SLC4A4: variants seen among roughly 807,000 people sequenced by gnomAD.
SLC4A4 encodes solute carrier family 4 member 4.
In SLC4A4, 27 loss-of-function variants were observed where a neutral mutation model predicts 111.5. The observed-to-expected ratio is 0.24, with a 90% CI of 0.18 to 0.33. SLC4A4 has a LOEUF of 0.33. SLC4A4 is among the 10% of genes least tolerant of loss of function. The probability of loss-of-function intolerance (pLI) is 1.00; values close to 1 mark genes in which losing one functional copy is unlikely to be tolerated. For missense variants in SLC4A4, 909 were observed against 1,315.5 expected, an observed-to-expected ratio of 0.69 and a Z score of 4.78; for synonymous variants, 443 against 463.4, an observed-to-expected ratio of 0.96 and a Z score of 0.57.
chr4:71,420,018 G>A (rs554985087), intron 7 of SLC4A4, among the ~76,000 whole-genome samples: 28 of 152,304 alleles, frequency 1.8e-4, no homozygotes, highest in Admixed American at 5.2e-4. Flanking sequence ...AGAGAAGAAG[G>A]CTTCAGACGA....
intron 14 of SLC4A4, among the ~76,000 whole-genome samples, chr4:71,485,935 C>G (rs1729354902): frequency 6.6e-6 from 1 of 151,446 alleles, no homozygotes; most frequent in African/African-American, 2.4e-5. Flanking sequence ...ATCTCATACT[C>G]TAATGTCAGC....
At chr4:71,300,903 G>A (rs888205694) in intron 3 of SLC4A4, 4 of 519,840 alleles carry the variant, frequency 7.7e-6, no homozygotes, top group South Asian at 5.8e-5. Context: ...GTAGGTGCTG[G>A]GGTCCATGTC....
chr4:71,174,667 TCCA>T (rs1338072154), intron 2 of SLC4A4, among the ~76,000 whole-genome samples: 1 of 152,214 alleles, frequency 6.6e-6, no homozygotes, highest in Non-Finnish European at 1.5e-5. Flanking sequence ...TTACTGCCAC[TCCA>T]CCTATTTTTC....
At chr4:71,435,068 T>C (rs952532641) in intron 7 of SLC4A4, among the ~76,000 whole-genome samples, 1 of 152,166 alleles carries the variant, frequency 6.6e-6, no homozygotes, top group South Asian at 2.1e-4. Flanking sequence ...TGTAAAAAAC[T>C]ACTTTGAAGT....
At chr4:71,347,623 T>G (rs998586029) in intron 4 of SLC4A4, among the ~76,000 whole-genome samples, 1 of 152,164 alleles carries the variant, frequency 6.6e-6, no homozygotes, top group Non-Finnish European at 1.5e-5. Context: ...ATATGAATTT[T>G]GTGGGGACAT....
chr4:71,162,103 C>T (rs10049651), intron 2 of SLC4A4, among the ~76,000 whole-genome samples: 95,880 of 152,026 alleles, frequency 0.63, 35,798 homozygotes, highest in Non-Finnish European at 0.83. Context: ...CTTGCTCACC[C>T]CAGTTGAAGA....
chr4:71,473,315 A>C (rs1286451221), intron 14 of SLC4A4: 1 of 562,396 alleles, frequency 1.8e-6, no homozygotes, highest in East Asian at 2.8e-5. Flanking sequence ...AATATGTGAC[A>C]AACCTATCCT....
At chr4:71,158,901 G>A (rs1281820193) in intron 2 of SLC4A4, among the ~76,000 whole-genome samples, 1 of 152,096 alleles carries the variant, frequency 6.6e-6, no homozygotes, top group Non-Finnish European at 1.5e-5. Flanking sequence ...GTGCTGAAGT[G>A]GCGTATCCCT....
intron 3 of SLC4A4, among the ~76,000 whole-genome samples, chr4:71,265,913 C>T (rs1722220905): frequency 6.6e-6 from 1 of 152,112 alleles, no homozygotes; most frequent in Non-Finnish European, 1.5e-5. Context: ...ATATCTTTAG[C>T]TTTCTAAAAT....
rs1008843129 is a variant in SLC4A4 at position 71,563,775 on chromosome 4, T to G, written c.3100-18T>G. On this transcript the variant is annotated intron_variant, in intron 23 of 25. Coordinates refer to ENST00000264485, the MANE Select transcript of SLC4A4 (RefSeq NM_001098484.3). ...ATAATAAAAACATTCTAAAACCTCT[T>G]GTACATTTTTTTCACAGTCTGACTG... 1 of 1,484,072 alleles carries G rather than the reference T, an allele frequency of 6.7e-7. No individual in the cohort carries two copies. Among genetic ancestry groups the G allele is most frequent in the Non-Finnish European group, 9.4e-7 (1 of 1,062,460 alleles). The allele number at this position is 1,484,072 out of a possible 1,614,324, so 91.9% of individuals were successfully genotyped here.
intron 2 of SLC4A4, among the ~76,000 whole-genome samples, chr4:71,147,879 C>T (rs1172493300): frequency 6.6e-6 from 1 of 151,868 alleles, no homozygotes; most frequent in Non-Finnish European, 1.5e-5. Context: ...CTGGTTGTCC[C>T]GAGGGAGGAC....
At chr4:71,412,578 G>A (rs1721456354) in intron 7 of SLC4A4, among the ~76,000 whole-genome samples, 1 of 152,112 alleles carries the variant, frequency 6.6e-6, no homozygotes, top group South Asian at 2.1e-4. Flanking sequence ...GTCTTTCTTT[G>A]CACTTAAATA....
intron 8 of SLC4A4, 97 bp downstream of exon 8, chr4:71,440,870 C>A: frequency 1.5e-6 from 2 of 1,362,836 alleles, no homozygotes; most frequent in Non-Finnish European, 2.1e-6. Flanking sequence ...ATATTTAGTG[C>A]AAACACATTG....
intron 3 of SLC4A4, among the ~76,000 whole-genome samples, chr4:71,281,364 A>G (rs1042896746): frequency 1.3e-5 from 2 of 152,204 alleles, no homozygotes; most frequent in Non-Finnish European, 2.9e-5. Context: ...GGAAAGCATA[A>G]TAATATAAAA....
At chr4:71,537,646 A>G (rs1249715353) in intron 18 of SLC4A4, among the ~76,000 whole-genome samples, 1 of 151,518 alleles carries the variant, frequency 6.6e-6, no homozygotes, top group Non-Finnish European at 1.5e-5. Context: ...TTCTTTTGGC[A>G]TTATACCCAA....
intron 1 of SLC4A4, among the ~76,000 whole-genome samples, chr4:71,071,008 C>T (rs1026859435): frequency 3.3e-5 from 5 of 152,158 alleles, no homozygotes; most frequent in South Asian, 2.1e-4. Flanking sequence ...TGGTGGCTCA[C>T]GCCTATTATC....
chr4:71,389,387 A>G (rs1719060904), intron 6 of SLC4A4, among the ~76,000 whole-genome samples: 1 of 152,106 alleles, frequency 6.6e-6, no homozygotes, highest in South Asian at 2.1e-4. Context: ...ATATGCTTCG[A>G]CTTATTTTAG....
intron 7 of SLC4A4, among the ~76,000 whole-genome samples, chr4:71,429,358 C>G (rs559764999): frequency 1.1e-4 from 17 of 152,184 alleles, no homozygotes; most frequent in Non-Finnish European, 1.9e-4. Context: ...TAAGCGACCT[C>G]TTATGCTAAT....
At chr4:71,210,025 T>G (rs1030145613) in intron 1 of SLC4A4, among the ~76,000 whole-genome samples, 2 of 152,238 alleles carry the variant, frequency 1.3e-5, no homozygotes, top group African/African-American at 4.8e-5. Flanking sequence ...TTTTTCCTTT[T>G]GCTTTTCACC....
Sources: allele counts gnomAD v4.1 joint callset (sites outside exome capture counted in the v4.1 genomes callset), GRCh38; gene constraint gnomAD v4.1.1; transcripts MANE v1.5; gene names NCBI Gene and HGNC (gene_info 2026-07-23, HGNC 2026-07-21).